MON2: variants seen among roughly 807,000 people sequenced by gnomAD.
MON2 encodes the protein protein MON2 homolog.
In MON2, 84 loss-of-function variants were observed where a neutral mutation model predicts 208.6. The observed-to-expected ratio is 0.40, with a 90% CI of 0.34 to 0.48. The LOEUF (loss-of-function observed/expected upper bound fraction) is 0.48, where lower values mean the gene tolerates loss of function less well. Among genes scored for constraint, MON2 ranks in the 20% least tolerant of loss-of-function variants. MON2 has a pLI of 0.59. For missense variants in MON2, 1,611 were observed against 2,015.4 expected (o/e 0.80, Z 3.84); for synonymous variants, 660 against 694.0 (o/e 0.95, Z 0.77).
rs971326176 is a variant in MON2 at position 62,594,821 on chromosome 12, C to G, written c.*2072C>G. Reference sequence around the variant, plus strand: ...TATCATATAATAAGGTAATAAATGCCAGTCTTAGTGTGAAGCAAGTGGGTG... The same window carrying G: ...TATCATATAATAAGGTAATAAATGCGAGTCTTAGTGTGAAGCAAGTGGGTG... On this transcript the variant is annotated 3_prime_UTR_variant, in exon 35 of 35. Transcript: ENST00000393630. 13 of 152,102 alleles carry G rather than the reference C, an allele frequency of 8.5e-5. No homozygotes were observed. Among genetic ancestry groups the G allele is most frequent in the African/African-American group, 3.1e-4 (13 of 41,404 alleles). 9.4% of individuals were successfully genotyped at this position (152,102 alleles called of 1,614,324 possible).
intron 23 of MON2, among the ~76,000 whole-genome samples, chr12:62,552,149 A>G (rs563879253): frequency 6.6e-6 from 1 of 152,052 alleles, no homozygotes; most frequent in East Asian, 1.9e-4. Context: ...ATACTACACC[A>G]TTTTATATAA....
chr12:62,517,087 C>G (rs912133042), intron 8 of MON2, among the ~76,000 whole-genome samples: 25 of 152,110 alleles, frequency 1.6e-4, no homozygotes, highest in Non-Finnish European at 1.0e-4. Context: ...AGTTTTTGTT[C>G]CTGTCACTAG....
intron 7 of MON2, among the ~76,000 whole-genome samples, chr12:62,504,104 A>G (rs777618569): frequency 2.0e-5 from 3 of 152,142 alleles, no homozygotes; most frequent in Non-Finnish European, 2.9e-5. Context: ...AGTGCCTGGC[A>G]TATGGCAGGT....
intron 32 of MON2, among the ~76,000 whole-genome samples, chr12:62,585,065 GCACACACACACACA>G (rs57834850): frequency 0.019 from 1,918 of 98,812 alleles, 100 homozygotes; most frequent in African/African-American, 0.073. Flanking sequence ...CTCTCTACAT[GCACACACACACACA>G]CACACACACA....
rs2070325847 is a variant in MON2, at chr12:62,493,983, A to G, written c.244A>G (p.Ile82Val). The change falls in exon 3 of 35, where the codon ATC becomes GTC. Residue 82 changes from isoleucine to valine, a missense_variant. Transcript: ENST00000393630. ...LMGCGTKEPK[I>V]TQLCLAAIQR... ...GGGTTGTGGAACCAAGGAACCGAAG[A>G]TCACTCAGCTATGTTTGGCTGCTAT... 2.5e-6 allele frequency: 4 copies of G among 1,613,254 alleles called. No homozygotes were observed. Among genetic ancestry groups the G allele is most frequent in the Non-Finnish European group, 3.4e-6 (4 of 1,179,364 alleles).
At chr12:62,585,736 A>G (rs949971908) in intron 33 of MON2, 3 of 327,142 alleles carry the variant, frequency 9.2e-6, no homozygotes, top group African/African-American at 6.4e-5. Context: ...AACATATGAT[A>G]CATAGGTACC....
chr12:62,544,513 G>T (rs1038077267), intron 20 of MON2, among the ~76,000 whole-genome samples: 10 of 151,988 alleles, frequency 6.6e-5, no homozygotes, highest in Non-Finnish European at 1.5e-4. Flanking sequence ...CATTTTATTG[G>T]AATTACTTTT....
chr12:62,580,118 G>C (rs1467902131), intron 31 of MON2, among the ~76,000 whole-genome samples, 179 bp from the exon 32 acceptor site: 1 of 152,154 alleles, frequency 6.6e-6, no homozygotes, highest in African/African-American at 2.4e-5. Context: ...TACTAGGACA[G>C]ATGAGAGAAA....
intron 8 of MON2, among the ~76,000 whole-genome samples, chr12:62,521,925 G>T (rs1220279552): frequency 6.6e-6 from 1 of 152,206 alleles, no homozygotes; most frequent in African/African-American, 2.4e-5. Context: ...GGGTGTGGTG[G>T]CTCACGCCTA....
At chr12:62,565,415 T>A in intron 27 of MON2, 35 bp downstream of exon 27, 1 of 1,539,854 alleles carries the variant, frequency 6.5e-7, no homozygotes, top group Non-Finnish European at 8.9e-7. Context: ...CTTTGTAAGA[T>A]TTCATGGCTT....
rs772163298 is a variant in MON2, at chr12:62,566,413, C to T, written c.4286C>T (p.Ala1429Val). Residue 1429 changes from alanine (A) to valine (V), a missense_variant, in exon 29 of 35, where the codon GCA (alanine) becomes GTA (valine). Physicochemically the swap from Ala to Val is moderately conservative, Grantham distance 64. Transcript: ENST00000393630. ...TACCAAAAAACAGCGTGTCACAAAG[C>T]AGTGGTGAATGAGAAAGTGCTCCAG... ...DLYQKTACHKAVVNEKVLQNI... is the reference protein window; with the variant it reads ...DLYQKTACHKVVVNEKVLQNI... 6.2e-7 allele frequency: 1 copy of T among 1,613,458 alleles called. No homozygotes were observed. The highest frequency in any genetic ancestry group is 1.1e-5 in the South Asian group (1 of 91,008).
intron 23 of MON2, among the ~76,000 whole-genome samples, chr12:62,550,696 C>G (rs1270261628): frequency 6.6e-6 from 1 of 152,146 alleles, no homozygotes; most frequent in Non-Finnish European, 1.5e-5. Context: ...AACGTCTTTT[C>G]TTAAACCTCA....
intron 11 of MON2, among the ~76,000 whole-genome samples, chr12:62,530,227 A>ATTT (rs144345618): frequency 2.3e-4 from 29 of 126,216 alleles, no homozygotes; most frequent in African/African-American, 3.4e-4. Flanking sequence ...CATCAGTATA[A>ATTT]TTTTTTTTTT....
Position 62,538,424 on chromosome 12 carries a change from T to G in MON2, c.2283T>G (p.Asp761Glu). Reference sequence around the variant, plus strand: ...TTCATTTCCTTTTTAGGTATCTTGATGATGTATCACTGCATCATTTAATAA... The same window carrying G: ...TTCATTTCCTTTTTAGGTATCTTGAGGATGTATCACTGCATCATTTAATAA... ...SRLFESSQYLDDVSLHHLINA... is the reference protein window; with the variant it reads ...SRLFESSQYLEDVSLHHLINA... The change falls in exon 19 of 35, where the codon GAT (aspartate) becomes GAG (glutamate). Residue 761 changes from aspartate (D) to glutamate (E), a missense_variant. Coordinates refer to ENST00000393630, the MANE Select transcript of MON2 (RefSeq NM_015026.3). The G allele has an allele frequency of 6.2e-7, 1 of 1,609,306 alleles. No individual in the cohort carries two copies. Among genetic ancestry groups the G allele is most frequent in the East Asian group, 2.2e-5 (1 of 44,778 alleles).
rs200313038 is a variant in MON2 at position 62,571,512 on chromosome 12, T to C, written c.4444T>C (p.Ser1482Pro). Residue 1482 changes from serine to proline, a missense_variant, in exon 30 of 35, where the codon TCT becomes CCT. Ser to Pro is a moderately conservative substitution (Grantham distance 74). Coordinates refer to ENST00000393630, the MANE Select transcript of MON2 (RefSeq NM_015026.3). ...GCTACCTGTTGCCCGGCAGCATGCT[T>C]CTTCTGGAAAATTTGACAGTATGTG... ...IGLPVARQHA[S>P]SGKFDSMWPE... is the part of the protein sequence containing the mutation. 2 of 1,614,122 alleles carry C rather than the reference T, an allele frequency of 1.2e-6. No homozygotes were observed. Among genetic ancestry groups the C allele is most frequent in the Admixed American group, 1.7e-5 (1 of 60,028 alleles).
chr12:62,474,494 G>A (rs543426878), intron 1 of MON2, among the ~76,000 whole-genome samples: 533 of 150,922 alleles, frequency 3.5e-3, no homozygotes, highest in Admixed American at 7.2e-3. Context: ...GTGCAATCTC[G>A]GCTCACCGCA....
At chr12:62,531,584 G>C (rs2072646046) in intron 11 of MON2, among the ~76,000 whole-genome samples, 1 of 152,022 alleles carries the variant, frequency 6.6e-6, no homozygotes, top group South Asian at 2.1e-4. Flanking sequence ...CCTTCCTTCT[G>C]AAAACTTTCT....
chr12:62,504,159 T>G (rs2070981639), intron 7 of MON2, among the ~76,000 whole-genome samples: 1 of 152,190 alleles, frequency 6.6e-6, no homozygotes, highest in East Asian at 1.9e-4. Flanking sequence ...TGAATTTGAA[T>G]TTAAAATTTT....
chr12:62,541,101 G>A (rs2073210843), intron 19 of MON2, among the ~76,000 whole-genome samples: 1 of 152,142 alleles, frequency 6.6e-6, no homozygotes, highest in Admixed American at 6.5e-5. Context: ...AAGCTTGCAG[G>A]CTGAGCGTGG....
Sources: allele counts gnomAD v4.1 joint callset (sites outside exome capture counted in the v4.1 genomes callset), GRCh38; gene constraint gnomAD v4.1.1; transcripts MANE v1.5; gene names NCBI Gene and HGNC (gene_info 2026-07-23, HGNC 2026-07-21).